The following SH3RF3 variants were observed in gnomAD, a reference collection of about 807,000 sequenced individuals.
The protein encoded by SH3RF3 is E3 ubiquitin-protein ligase SH3RF3.
In SH3RF3, 29 loss-of-function variants were observed where a neutral mutation model predicts 66.3. The observed-to-expected ratio is 0.44, with a 90% CI of 0.33 to 0.60. The LOEUF (loss-of-function observed/expected upper bound fraction) is 0.60. SH3RF3 is among the 20% of genes least tolerant of loss of function. SH3RF3 has a pLI of 0.04. For synonymous variants in SH3RF3, 583 were observed against 532.0 expected (o/e 1.10, Z -1.32); for missense variants, 1,194 against 1,190.9 (o/e 1.00, Z -0.04).
intron 5 of SH3RF3, among the ~76,000 whole-genome samples, chr2:109,432,196 C>G (rs1294386559): frequency 6.6e-6 from 1 of 152,154 alleles, no homozygotes; most frequent in Non-Finnish European, 1.5e-5. Context: ...TTTGGGGTCA[C>G]TGGGCCTTAG....
chr2:109,200,500 G>A lies in SH3RF3; in HGVS notation c.573+70387G>A, dbSNP rs556823714. 1.1e-4 allele frequency among the ~76,000 whole-genome samples: 16 copies of A among 152,158 alleles called. 1 individual carries two copies. The South Asian group carries it at 3.3e-3, about 32-fold the overall frequency. On this transcript the variant is annotated intron_variant, in intron 1 of 9. Transcript: ENST00000309415. The stretch of plus-strand genomic sequence containing the variant: ...GTAGTCCCCTGTGTCCTGCTCAGTC[G>A]GCGGGTCCAAGCCTCCGACTCTGCC...
At chr2:109,425,785 G>A (rs1045805840) in intron 5 of SH3RF3, among the ~76,000 whole-genome samples, 1 of 152,260 alleles carries the variant, frequency 6.6e-6, no homozygotes. Context: ...ACAAGGAGAT[G>A]AATGTTGTTT....
rs1293864315 is a variant in SH3RF3, at chr2:109,189,989, C to T, written c.573+59876C>T. ...CCCTGGTGTTTCTCTAACAGATCTGCTCGTGGTTTATCATGGAAGAAGTCT... is the reference window on the plus strand; with the variant it reads ...CCCTGGTGTTTCTCTAACAGATCTGTTCGTGGTTTATCATGGAAGAAGTCT... On this transcript the variant is annotated intron_variant, in intron 1 of 9. Transcript: ENST00000309415. 2.0e-5 allele frequency among the ~76,000 whole-genome samples: 3 copies of T among 152,176 alleles called. No individual in the cohort carries two copies. In the East Asian group the frequency reaches 5.8e-4, roughly 29 times the overall value.
chr2:109,133,686 C>T (rs1369416531), intron 1 of SH3RF3, among the ~76,000 whole-genome samples: 3 of 148,686 alleles, frequency 2.0e-5, no homozygotes, highest in African/African-American at 7.4e-5. Flanking sequence ...GTGTTTGAGT[C>T]TTTCATACAT....
intron 1 of SH3RF3, among the ~76,000 whole-genome samples, chr2:109,219,939 A>G (rs1301819356): frequency 1.3e-5 from 2 of 152,242 alleles, no homozygotes; most frequent in African/African-American, 4.8e-5. Flanking sequence ...TAAAATTTAT[A>G]TGGAATCTCA....
At chr2:109,416,765 G>C (rs1037754496) in intron 4 of SH3RF3, among the ~76,000 whole-genome samples, 4 of 151,982 alleles carry the variant, frequency 2.6e-5, no homozygotes, top group Non-Finnish European at 4.4e-5. Context: ...TATTAGCCGG[G>C]GGTGGTATTG....
At chr2:109,237,985 C>A (rs1192996687) in intron 1 of SH3RF3, among the ~76,000 whole-genome samples, 1 of 152,108 alleles carries the variant, frequency 6.6e-6, no homozygotes, top group East Asian at 1.9e-4. Context: ...GTAATCCTAG[C>A]ACTTGAGGTC....
intron 7 of SH3RF3, among the ~76,000 whole-genome samples, chr2:109,448,914 T>A (rs1208854548): frequency 1.3e-5 from 2 of 152,146 alleles, no homozygotes; most frequent in Non-Finnish European, 2.9e-5. Context: ...CTGTTTTAGC[T>A]CCACCTGAGG....
intron 1 of SH3RF3, among the ~76,000 whole-genome samples, chr2:109,331,052 C>G (rs185603055): frequency 1.3e-5 from 2 of 152,284 alleles, no homozygotes; most frequent in East Asian, 3.9e-4. Context: ...GACTTTCACC[C>G]AAAATCTAAA....
chr2:109,187,421 C>T (rs1263096026), intron 1 of SH3RF3, among the ~76,000 whole-genome samples: 2 of 151,958 alleles, frequency 1.3e-5, no homozygotes, highest in East Asian at 1.9e-4. Flanking sequence ...GCCGCACACA[C>T]GTAAATACAG....
chr2:109,171,507 G>C (rs549970372), intron 1 of SH3RF3, among the ~76,000 whole-genome samples: 4 of 152,224 alleles, frequency 2.6e-5, no homozygotes, highest in Admixed American at 2.0e-4. Flanking sequence ...TGCTGGGCTC[G>C]CGGGTATGGT....
chr2:109,258,888 T>C (rs1268551806), intron 1 of SH3RF3, among the ~76,000 whole-genome samples: 1 of 152,172 alleles, frequency 6.6e-6, no homozygotes, highest in African/African-American at 2.4e-5. Context: ...CACTCTGTGG[T>C]CAGGGGTTTT....
chr2:109,465,740 CAA>C (rs1370299185), intron 8 of SH3RF3, among the ~76,000 whole-genome samples: 7 of 152,044 alleles, frequency 4.6e-5, no homozygotes, highest in Non-Finnish European at 1.0e-4. Flanking sequence ...TGGCGGAAGA[CAA>C]AGAGGGAACA....
At chr2:109,457,914 G>C (rs959952666) in intron 8 of SH3RF3, among the ~76,000 whole-genome samples, 13 of 152,332 alleles carry the variant, frequency 8.5e-5, no homozygotes, top group Non-Finnish European at 1.6e-4. Context: ...GGGCATCTCT[G>C]AACATTCCAC....
rs1359359406 is a variant in SH3RF3 at position 109,129,309 on chromosome 2, G to A, written c.-232G>A. 11 of 761,278 alleles carry A rather than the reference G, an allele frequency of 1.4e-5. No individual in the cohort carries two copies. Among genetic ancestry groups the A allele is most frequent in the Admixed American group, 7.0e-5 (3 of 42,946 alleles). 47.2% of individuals were successfully genotyped at this position (761,278 alleles called of 1,614,324 possible). A position where few individuals can be genotyped will look rare whatever the true frequency, so the allele number is the denominator to read the frequency against. On this transcript the variant is annotated 5_prime_UTR_variant, in exon 1 of 10. Coordinates refer to ENST00000309415, the MANE Select transcript of SH3RF3 (RefSeq NM_001099289.3). ...CCGCAGCCGCAGGCGCTGCGCTCAGGACTGGGCGGGCTCGGCTGGCCGGTC... is the reference window on the plus strand; with the variant it reads ...CCGCAGCCGCAGGCGCTGCGCTCAGAACTGGGCGGGCTCGGCTGGCCGGTC...
chr2:109,129,407 C>A lies in SH3RF3; in HGVS notation c.-134C>A. The A allele has an allele frequency of 4.9e-6, 7 of 1,423,976 alleles. No individual in the cohort carries two copies. Among genetic ancestry groups the A allele is most frequent in the Non-Finnish European group, 6.6e-6 (7 of 1,062,996 alleles). 88.2% of individuals were successfully genotyped at this position (1,423,976 alleles called of 1,614,324 possible). A position where few individuals can be genotyped will look rare whatever the true frequency, so the allele number is the denominator to read the frequency against. ...CTTCGCACCGCCACAGCCCTAGCAT[C>A]GGGCCACCAGCCGGGGTGAAGAAAG... On this transcript the variant is annotated 5_prime_UTR_variant, in exon 1 of 10. Coordinates refer to ENST00000309415, the MANE Select transcript of SH3RF3 (RefSeq NM_001099289.3).
Position 109,353,593 on chromosome 2 carries a change from G to T in SH3RF3, c.849+5644G>T, listed in dbSNP as rs990798472. Among the ~76,000 whole-genome samples, 13 of 152,280 alleles carry T rather than the reference G, an allele frequency of 8.5e-5. No individual in the cohort carries two copies. In the South Asian group the frequency reaches 2.1e-3, roughly 24 times the overall value. On this transcript the variant is annotated intron_variant, in intron 2 of 9. Coordinates refer to ENST00000309415, the MANE Select transcript of SH3RF3 (RefSeq NM_001099289.3). Reference sequence around the variant, plus strand: ...GGGTGCCCTGTGTCACCTGGCCAGGGCTGGCAGGCCTGCTGGGTGAGAGTG... The same window carrying T: ...GGGTGCCCTGTGTCACCTGGCCAGGTCTGGCAGGCCTGCTGGGTGAGAGTG...
Position 109,236,876 on chromosome 2 carries a change from C to G in SH3RF3, c.573+106763C>G, listed in dbSNP as rs183159180. Among the ~76,000 whole-genome samples the G allele has an allele frequency of 7.4e-3, 1,124 of 152,248 alleles. 9 individuals are homozygous for G. Among genetic ancestry groups the G allele is most frequent in the South Asian group, 0.024 (115 of 4,820 alleles). On this transcript the variant is annotated intron_variant, in intron 1 of 9. Transcript: ENST00000309415. Reference sequence around the variant, plus strand: ...CTCCGGCTGTGAAACGCTGCAGTGACCTGTACTTACAGCTCAGGGGACAAG... The same window carrying G: ...CTCCGGCTGTGAAACGCTGCAGTGAGCTGTACTTACAGCTCAGGGGACAAG...
intron 9 of SH3RF3, among the ~76,000 whole-genome samples, chr2:109,492,383 C>T (rs1317010626): frequency 6.6e-6 from 1 of 152,128 alleles, no homozygotes; most frequent in Non-Finnish European, 1.5e-5. Context: ...CTGCAGAACC[C>T]GCAGCTACTG....
Sources: gnomAD v4.1 joint callset for allele counts (sites outside exome capture counted in the v4.1 genomes callset) on GRCh38, gnomAD v4.1.1 for gene constraint, MANE v1.5 for transcripts, NCBI Gene and HGNC (gene_info 2026-07-23, HGNC 2026-07-21) for gene names.